Variants in KLF12 observed in about 807,000 individuals in gnomAD.
KLF12 encodes KLF transcription factor 12, also known as Krueppel-like factor 12.
A neutral mutation model predicts 37.8 loss-of-function variants in KLF12; 9 were observed. That is an observed-to-expected ratio of 0.24 (90% CI 0.14 to 0.42). The LOEUF (loss-of-function observed/expected upper bound fraction) is 0.42, where lower values mean the gene tolerates loss of function less well. KLF12 is among the 10% of genes least tolerant of loss of function. The pLI is 1.00. For missense variants in KLF12, 411 were observed against 516.0 expected (o/e 0.80, Z 1.97); for synonymous variants, 208 against 202.1 (o/e 1.03, Z -0.25).
At chr13:73,972,171 A>C (rs1179088413) in intron 2 of KLF12, among the ~76,000 whole-genome samples, 1 of 152,228 alleles carries the variant, frequency 6.6e-6, no homozygotes, top group Admixed American at 6.5e-5. Context: ...TCACAGCAAC[A>C]TGTTAAAAGA....
intron 1 of KLF12, among the ~76,000 whole-genome samples, chr13:74,111,568 T>C (rs1876975101): frequency 6.6e-6 from 1 of 152,168 alleles, no homozygotes; most frequent in Non-Finnish European, 1.5e-5. Context: ...GAGCTGTGAC[T>C]GAAAAAGGAG....
chr13:73,967,242 A>G (rs974126329), intron 2 of KLF12, among the ~76,000 whole-genome samples: 1 of 152,226 alleles, frequency 6.6e-6, no homozygotes, highest in African/African-American at 2.4e-5. Context: ...CCATTAAAAT[A>G]GGTTTGCACC....
the KLF12 span, among the ~76,000 whole-genome samples, chr13:74,226,871 G>A: frequency 6.6e-6 from 1 of 152,064 alleles, no homozygotes; most frequent in Non-Finnish European, 1.5e-5. Context: ...TAGACTAGTA[G>A]GGATTGAGAA....
At chr13:73,806,799 C>G (rs1270717332) in intron 5 of KLF12, among the ~76,000 whole-genome samples, 1 of 151,864 alleles carries the variant, frequency 6.6e-6, no homozygotes, top group Admixed American at 6.6e-5. Flanking sequence ...TAGAATCTGC[C>G]AAAAAGTTGC....
intron 1 of KLF12, among the ~76,000 whole-genome samples, chr13:74,044,519 T>A (rs1893488005): frequency 6.6e-6 from 1 of 151,782 alleles, no homozygotes; most frequent in African/African-American, 2.4e-5. Flanking sequence ...ATAAGGGAGA[T>A]ATGTCAGAGA....
intron 3 of KLF12, among the ~76,000 whole-genome samples, chr13:73,857,924 GA>G (rs1471373619): frequency 6.6e-6 from 1 of 152,022 alleles, no homozygotes; most frequent in Non-Finnish European, 1.5e-5. Flanking sequence ...AATGTTAAGT[GA>G]AAAAATGTTA....
At chr13:73,705,231 A>T (rs947073366) in intron 7 of KLF12, among the ~76,000 whole-genome samples, 1 of 152,162 alleles carries the variant, frequency 6.6e-6, no homozygotes, top group African/African-American at 2.4e-5. Flanking sequence ...TTAGTTATGG[A>T]GATTTTTAAT....
chr13:73,802,737 TG>T (rs1229017463), intron 5 of KLF12, among the ~76,000 whole-genome samples: 1 of 152,202 alleles, frequency 6.6e-6, no homozygotes, highest in Non-Finnish European at 1.5e-5. Context: ...TTTCTGTTCC[TG>T]GGTTAATTGG....
intron 2 of KLF12, among the ~76,000 whole-genome samples, chr13:73,952,223 C>T (rs1890673392): frequency 6.6e-6 from 1 of 152,024 alleles, no homozygotes; most frequent in Admixed American, 6.5e-5. Context: ...CTACCGGATA[C>T]CAGGTAATTT....
At chr13:74,073,284 T>C (rs1399966247) in intron 1 of KLF12, among the ~76,000 whole-genome samples, 1 of 152,220 alleles carries the variant, frequency 6.6e-6, no homozygotes, top group Non-Finnish European at 1.5e-5. Flanking sequence ...GGAATTCTGA[T>C]CACATGATTT....
chr13:74,206,264 A>G, the KLF12 span, among the ~76,000 whole-genome samples: 2 of 152,214 alleles, frequency 1.3e-5, no homozygotes, highest in African/African-American at 2.4e-5. Context: ...AATACTAACT[A>G]TAATCATTGA....
chr13:73,763,966 G>T (rs548035571), intron 6 of KLF12, among the ~76,000 whole-genome samples: 35 of 152,218 alleles, frequency 2.3e-4, no homozygotes, highest in Admixed American at 9.2e-4. Context: ...GATTTCGTGG[G>T]GGAAGGGAGG....
the KLF12 span, among the ~76,000 whole-genome samples, chr13:74,215,293 A>T: frequency 6.6e-6 from 1 of 151,670 alleles, no homozygotes; most frequent in South Asian, 2.1e-4. Flanking sequence ...ACTTCTATTA[A>T]CTTTTTAATT....
the KLF12 span, among the ~76,000 whole-genome samples, chr13:74,263,478 C>T: frequency 6.6e-6 from 1 of 152,282 alleles, no homozygotes; most frequent in South Asian, 2.1e-4. Context: ...TGTCAGCTCA[C>T]GTTTGACACT....
intron 7 of KLF12, among the ~76,000 whole-genome samples, chr13:73,696,166 G>A (rs1294015783): frequency 1.3e-5 from 2 of 150,036 alleles, no homozygotes; most frequent in Non-Finnish European, 2.9e-5. Flanking sequence ...TTTACTGAAC[G>A]ATAATGTACT....
the KLF12 span, among the ~76,000 whole-genome samples, chr13:74,195,066 G>T: frequency 1.3e-5 from 2 of 152,134 alleles, no homozygotes; most frequent in African/African-American, 4.8e-5. Flanking sequence ...GCACCAGAAA[G>T]CTCTCTGTGG....
chr13:73,861,093 C>T (rs1029137446), intron 3 of KLF12, among the ~76,000 whole-genome samples: 17 of 152,258 alleles, frequency 1.1e-4, no homozygotes, highest in South Asian at 2.1e-4. Context: ...AAAAATAACA[C>T]TCTTTCTGGT....
chr13:74,252,828 T>C, the KLF12 span, among the ~76,000 whole-genome samples: 2 of 152,202 alleles, frequency 1.3e-5, no homozygotes, highest in Non-Finnish European at 2.9e-5. Context: ...ATTTCTCAAT[T>C]TGAAACAAAT....
intron 1 of KLF12, among the ~76,000 whole-genome samples, chr13:74,059,094 T>C (rs752336106): frequency 2.0e-5 from 3 of 152,238 alleles, no homozygotes; most frequent in African/African-American, 7.2e-5. Context: ...TCAGGTTTCA[T>C]CCATGTTGCT....
Sources: gnomAD v4.1 joint callset for allele counts (sites outside exome capture counted in the v4.1 genomes callset) on GRCh38, gnomAD v4.1.1 for gene constraint, MANE v1.5 for transcripts, NCBI Gene and HGNC (gene_info 2026-07-23, HGNC 2026-07-21) for gene names.